Variants in SIM2 observed in about 807,000 individuals in gnomAD.
SIM2 encodes single-minded homolog 2.
In SIM2, 28 loss-of-function variants were observed where a neutral mutation model predicts 64.8. The observed-to-expected ratio is 0.43, with a 90% confidence interval of 0.32 to 0.59. The LOEUF (loss-of-function observed/expected upper bound fraction) is 0.59, where lower values mean the gene tolerates loss of function less well. Ranked by LOEUF, SIM2 falls within the 20% of genes least tolerant of loss-of-function variation. SIM2 has a pLI of 0.07. For synonymous variants in SIM2, 408 were observed against 391.1 expected (o/e 1.04, Z -0.51); for missense variants, 847 against 871.4 (o/e 0.97, Z 0.35).
At position 36,699,692 on chromosome 21, in the gene SIM2, G is replaced by T; in HGVS notation, c.-55G>T. 1 of 1,573,248 alleles carries T rather than the reference G, an allele frequency of 6.4e-7. No homozygotes were observed. The highest frequency in any genetic ancestry group is 8.6e-7 in the Non-Finnish European group (1 of 1,160,800). On this transcript the variant is annotated 5_prime_UTR_variant, in exon 1 of 11. Coordinates refer to ENST00000290399, the MANE Select transcript of SIM2 (RefSeq NM_005069.6). This position sits in a 1 kb window ranked among gnomAD's most constrained non-coding sequence, Gnocchi z 5.6. ...CATCCCCGCCGCCGCAGCCCGAGCG[G>T]GGCTCCGCGGGCCTGGAGCACGGCC...
chr21:36,700,658 A>G (rs1049951864), intron 1 of SIM2, among the ~76,000 whole-genome samples: 5 of 152,152 alleles, frequency 3.3e-5, no homozygotes, highest in Non-Finnish European at 7.4e-5. Context: ...AGGCCCAAGC[A>G]CTGCAGGCTG....
rs1042896580 is a variant in SIM2 at position 36,726,815 on chromosome 21, C to T, written c.743+497C>T. Among the ~76,000 whole-genome samples the T allele has an allele frequency of 3.9e-5, 6 of 152,110 alleles. No individual in the cohort carries two copies. Among genetic ancestry groups the T allele is most frequent in the Non-Finnish European group, 8.8e-5 (6 of 68,030 alleles). The stretch of plus-strand genomic sequence containing the variant: ...AGGCTGGGAGCAGAGACGCTATCTA[C>T]CCTGGGGGATGCTCTTCCCACAGCT... On this transcript the variant is annotated intron_variant, in intron 6 of 10. Transcript: ENST00000290399. The surrounding 1 kb of genome is among the most constrained non-coding windows in gnomAD (Gnocchi z 4.5).
intron 7 of SIM2, among the ~76,000 whole-genome samples, chr21:36,735,474 G>A (rs191535216): frequency 3.0e-3 from 460 of 152,282 alleles, no homozygotes; most frequent in African/African-American, 4.7e-3. Context: ...TGACAGGAGC[G>A]TCCTTACACC....
At chr21:36,725,214 G>A (rs1023035404) in intron 5 of SIM2, among the ~76,000 whole-genome samples, 7 of 152,208 alleles carry the variant, frequency 4.6e-5, no homozygotes, top group Admixed American at 3.3e-4. Flanking sequence ...GCCAGGCACG[G>A]TGGCACATGC....
intron 8 of SIM2, 151 bp from the exon 9 acceptor site, chr21:36,743,236 A>T: frequency 1.4e-6 from 1 of 695,626 alleles, no homozygotes; most frequent in South Asian, 1.9e-5. Context: ...AATGAGGGTG[A>T]GCTGGCCTTG....
chr21:36,731,039 C>A lies in SIM2; in HGVS notation c.744-6C>A, dbSNP rs1286109706. On this transcript the variant is annotated splice_region_variant and splice_polypyrimidine_tract_variant and intron_variant, in intron 6 of 10. Transcript: ENST00000290399. ...CGTAACTCACTGAGCTGCCATGCCC[C>A]CACAGGGTGACCGAGGTGACGGGGT... 2 of 1,612,112 alleles carry A rather than the reference C, an allele frequency of 1.2e-6. No homozygotes were observed.
At chr21:36,709,306 C>T in intron 2 of SIM2, 56 bp downstream of exon 2, 4 of 1,397,170 alleles carry the variant, frequency 2.9e-6, no homozygotes, top group African/African-American at 1.4e-5. Flanking sequence ...CTTCCCACCC[C>T]GCCACCCCAG....
chr21:36,714,814 A>G (rs1270794613), intron 3 of SIM2, among the ~76,000 whole-genome samples: 1 of 152,218 alleles, frequency 6.6e-6, no homozygotes, highest in Non-Finnish European at 1.5e-5. Flanking sequence ...AGAAGGACCA[A>G]AATATTGGAT....
At chr21:36,720,918 C>T (rs968336653) in intron 4 of SIM2, among the ~76,000 whole-genome samples, 1 of 152,148 alleles carries the variant, frequency 6.6e-6, no homozygotes, top group Admixed American at 6.5e-5. Context: ...CCAGAATACC[C>T]CAGTGGAACA....
chr21:36,736,045 G>C (rs1339533957), intron 7 of SIM2, among the ~76,000 whole-genome samples: 1 of 152,204 alleles, frequency 6.6e-6, no homozygotes, highest in Non-Finnish European at 1.5e-5. Context: ...CCATCAGCTA[G>C]AGCTGGCCCC....
chr21:36,699,739 G>C lies in SIM2; in HGVS notation c.-8G>C. The stretch of plus-strand genomic sequence containing the variant: ...GGCCGGGTCTAATATGCCCGGAGCC[G>C]AGGCGCGATGAAGGAGAAGTCCAAG... On this transcript the variant is annotated 5_prime_UTR_variant, in exon 1 of 11. Coordinates refer to ENST00000290399, the MANE Select transcript of SIM2 (RefSeq NM_005069.6). This position sits in a 1 kb window ranked among gnomAD's most constrained non-coding sequence, Gnocchi z 5.6. 6.2e-7 allele frequency: 1 copy of C among 1,611,924 alleles called. No homozygotes were observed. Among genetic ancestry groups the C allele is most frequent in the Non-Finnish European group, 8.5e-7 (1 of 1,178,960 alleles).
intron 10 of SIM2, chr21:36,746,151 C>T (rs2089224910): frequency 7.3e-6 from 2 of 273,550 alleles, no homozygotes; most frequent in African/African-American, 2.2e-5. Context: ...CCCATCTCCA[C>T]TAAAAATACA....
rs763487338 is a variant in SIM2 at position 36,699,717 on chromosome 21, C to T, written c.-30C>T. The T allele has an allele frequency of 3.7e-6, 6 of 1,604,328 alleles. No homozygotes were observed. The highest frequency in any genetic ancestry group is 1.1e-5 in the South Asian group (1 of 89,910). ...GGGCTCCGCGGGCCTGGAGCACGGC[C>T]GGGTCTAATATGCCCGGAGCCGAGG... On this transcript the variant is annotated 5_prime_UTR_variant, in exon 1 of 11. Coordinates refer to ENST00000290399, the MANE Select transcript of SIM2 (RefSeq NM_005069.6). The surrounding 1 kb of genome is among the most constrained non-coding windows in gnomAD (Gnocchi z 5.6).
chr21:36,719,535 C>T lies in SIM2; in HGVS notation c.349-286C>T, dbSNP rs998085649. Among the ~76,000 whole-genome samples, 11 of 152,314 alleles carry T rather than the reference C, an allele frequency of 7.2e-5. No homozygotes were observed. The South Asian group carries it at 8.3e-4, about 11-fold the overall frequency. On this transcript the variant is annotated intron_variant, in intron 3 of 10. Coordinates refer to ENST00000290399, the MANE Select transcript of SIM2 (RefSeq NM_005069.6). ...CAGCAGCGCCGCCCACCTCTGGTGC[C>T]CACCTTTTCCACCCTTTGCTTTCTG...
chr21:36,734,381 C>T (rs567850864), intron 7 of SIM2, among the ~76,000 whole-genome samples: 2 of 152,244 alleles, frequency 1.3e-5, no homozygotes, highest in East Asian at 1.9e-4. Flanking sequence ...AGAAATTAGA[C>T]GGGGCATGGC....
At chr21:36,734,947 C>T (rs567617550) in intron 7 of SIM2, among the ~76,000 whole-genome samples, 10 of 152,296 alleles carry the variant, frequency 6.6e-5, no homozygotes, top group Admixed American at 5.9e-4. Flanking sequence ...TGCCCCAGAG[C>T]CTGGAGTTGA....
Position 36,747,998 on chromosome 21 carries a change from G to A in SIM2, c.1910G>A (p.Arg637Gln). 1 of 1,105,482 alleles carries A rather than the reference G, an allele frequency of 9.0e-7. No homozygotes were observed. Among genetic ancestry groups the A allele is most frequent in the East Asian group, 4.9e-5 (1 of 20,304 alleles). The allele number at this position is 1,105,482 out of a possible 1,614,324, so 68.5% of individuals were successfully genotyped here. A position where few individuals can be genotyped will look rare whatever the true frequency, so the allele number is the denominator to read the frequency against. Reference protein sequence around the residue: ...GGPEAATGALRLRHPSPAATS... With the variant: ...GGPEAATGALQLRHPSPAATS... ...CCCGAGGCGGCGACCGGCGCGCTGC[G>A]GCTCCGGCACCCGAGCCCCGCCGCC... Residue 637 changes from arginine (R) to glutamine (Q), a missense_variant, in exon 11 of 11, where the codon CGG becomes CAG. Physicochemically the swap from Arg to Gln is conservative, Grantham distance 43. This residue lies in a region of SIM2 where 447 missense variants were observed against 414.6 expected (regional missense o/e 1.08). Transcript: ENST00000290399. This position sits in a 1 kb window ranked among gnomAD's most constrained non-coding sequence, Gnocchi z 4.5.
Position 36,723,137 on chromosome 21 carries a change from G to A in SIM2, c.543+7G>A, listed in dbSNP as rs1195312025. 2.5e-6 allele frequency: 4 copies of A among 1,612,238 alleles called. No homozygotes were observed. In the Admixed American group the frequency reaches 6.7e-5, roughly 27 times the overall value. On this transcript the variant is annotated splice_region_variant and intron_variant, in intron 5 of 10. Coordinates refer to ENST00000290399, the MANE Select transcript of SIM2 (RefSeq NM_005069.6). ...GACCTGCAGCGGATACAAGGTACGG[G>A]GAGTCATGGGTGCGGGGAGGAGCTG... is the stretch of plus-strand genomic sequence containing the variant.
intron 2 of SIM2, 193 bp downstream of exon 2, chr21:36,709,443 A>G (rs1455196586): frequency 1.4e-6 from 1 of 697,222 alleles, no homozygotes; most frequent in Non-Finnish European, 2.6e-6. Context: ...GGCCAACCCT[A>G]CCCTAACCCT....
Sources: gnomAD v4.1 joint callset for allele counts (sites outside exome capture counted in the v4.1 genomes callset) on GRCh38, gnomAD v4.1.1 for gene constraint, gnomAD v4.1.1 regional missense constraint, Gnocchi (gnomAD v3.1) non-coding constraint, MANE v1.5 for transcripts, NCBI Gene and HGNC (gene_info 2026-07-23, HGNC 2026-07-21) for gene names.